Variants in PPP2R5A observed in about 807,000 individuals in gnomAD.
PPP2R5A encodes the protein serine/threonine-protein phosphatase 2A 56 kDa regulatory subunit alpha isoform.
Under a neutral mutation model 64.2 loss-of-function variants are expected in PPP2R5A, and 25 were observed. That is an observed-to-expected ratio of 0.39 (90% confidence interval 0.28 to 0.54). PPP2R5A has a LOEUF of 0.54. PPP2R5A is among the 20% of genes least tolerant of loss of function. The pLI is 0.67. For missense variants in PPP2R5A, 425 were observed against 576.3 expected, an observed-to-expected ratio of 0.74 and a Z score of 2.69; for synonymous variants, 198 against 201.2, an observed-to-expected ratio of 0.98 and a Z score of 0.13.
intron 1 of PPP2R5A, among the ~76,000 whole-genome samples, chr1:212,321,545 C>G (rs1659294006): frequency 6.7e-6 from 1 of 148,510 alleles, no homozygotes; most frequent in African/African-American, 2.6e-5. Context: ...CTCCTCACTT[C>G]TCAGACGGGG....
At chr1:212,303,281 C>T (rs1480648329) in intron 1 of PPP2R5A, among the ~76,000 whole-genome samples, 1 of 152,154 alleles carries the variant, frequency 6.6e-6, no homozygotes, top group African/African-American at 2.4e-5. Flanking sequence ...TTATAGCCAT[C>T]CTAATGGATG....
chr1:212,349,484 C>CGATG (rs1325623776), intron 8 of PPP2R5A, among the ~76,000 whole-genome samples: 1 of 152,014 alleles, frequency 6.6e-6, no homozygotes, highest in East Asian at 1.9e-4. Context: ...TTAAGATGTA[C>CGATG]GATGATAGGA....
chr1:212,352,831 A>G (rs1454279927), intron 8 of PPP2R5A: 2 of 519,150 alleles, frequency 3.9e-6, no homozygotes, highest in Non-Finnish European at 7.7e-6. Context: ...CCTTTATCAA[A>G]GCTGCAGCTG....
In PPP2R5A at chr1:212,361,088, T is replaced by TTGTG. The variant is rs1236514809; in HGVS notation, c.*320_*323dup. 5.6e-6 allele frequency: 1 copy of TTGTG among 179,852 alleles called. No individual in the cohort carries two copies. Among genetic ancestry groups the TTGTG allele is most frequent in the Admixed American group, 6.2e-5 (1 of 16,058 alleles). 11.1% of individuals were successfully genotyped at this position (179,852 alleles called of 1,614,324 possible). ...AATTATGACTTGAATTCTTCTTTGA[T>TTGTG]TGTGTTGCACATAGATATGGTAGTC... is the stretch of plus-strand genomic sequence containing the variant. On this transcript the variant is annotated 3_prime_UTR_variant, in exon 13 of 13. Coordinates refer to ENST00000261461, the MANE Select transcript of PPP2R5A (RefSeq NM_006243.4).
intron 1 of PPP2R5A, among the ~76,000 whole-genome samples, chr1:212,319,982 G>C (rs1474497001): frequency 6.9e-6 from 1 of 144,280 alleles, no homozygotes; most frequent in Admixed American, 6.9e-5. Flanking sequence ...GATCATTCTT[G>C]GGTGTTTCTC....
chr1:212,305,417 G>A (rs1036618079), intron 1 of PPP2R5A, among the ~76,000 whole-genome samples: 1 of 151,980 alleles, frequency 6.6e-6, no homozygotes, highest in Non-Finnish European at 1.5e-5. Context: ...AAATTTTTGA[G>A]GTTTGTTTTA....
At chr1:212,323,482 T>C (rs1030328849) in intron 1 of PPP2R5A, among the ~76,000 whole-genome samples, 5 of 152,208 alleles carry the variant, frequency 3.3e-5, no homozygotes, top group African/African-American at 1.2e-4. Context: ...TTCTATATCA[T>C]AATACCTAAA....
At chr1:212,352,525 C>A (rs1394468245) in intron 8 of PPP2R5A, among the ~76,000 whole-genome samples, 1 of 151,728 alleles carries the variant, frequency 6.6e-6, no homozygotes, top group Non-Finnish European at 1.5e-5. Flanking sequence ...TTGTGGCTGA[C>A]GGCAGCCCTG....
intron 1 of PPP2R5A, among the ~76,000 whole-genome samples, chr1:212,290,873 C>T (rs1162165635): frequency 6.6e-6 from 1 of 152,186 alleles, no homozygotes; most frequent in Non-Finnish European, 1.5e-5. Flanking sequence ...TTTTCACCTG[C>T]AAGAATAACA....
At chr1:212,315,583 C>T (rs539426597) in intron 1 of PPP2R5A, among the ~76,000 whole-genome samples, 6 of 152,306 alleles carry the variant, frequency 3.9e-5, no homozygotes, top group African/African-American at 1.2e-4. Flanking sequence ...GAAAAATTCT[C>T]ACAAAGTTTG....
In PPP2R5A at chr1:212,361,515, C is replaced by G. The variant is rs969538651; in HGVS notation, c.*745C>G. On this transcript the variant is annotated 3_prime_UTR_variant, in exon 13 of 13. Transcript: ENST00000261461. ...TCATTCCTCCTCTTCCTCTCAAAGGCTGAAGGCAGGGCCTTTCCAGTCCTC... is the reference window on the plus strand; with the variant it reads ...TCATTCCTCCTCTTCCTCTCAAAGGGTGAAGGCAGGGCCTTTCCAGTCCTC... The G allele has an allele frequency of 2.1e-4, 32 of 152,826 alleles. No homozygotes were observed. The highest frequency in any genetic ancestry group is 6.7e-4 in the African/African-American group (28 of 41,568). The allele number at this position is 152,826 out of a possible 1,614,324, so 9.5% of individuals were successfully genotyped here. A position where few individuals can be genotyped will look rare whatever the true frequency, so the allele number is the denominator to read the frequency against.
At chr1:212,301,970 T>G in intron 1 of PPP2R5A, 1 of 1,371,504 alleles carries the variant, frequency 7.3e-7, no homozygotes, top group Non-Finnish European at 9.5e-7. Context: ...TTCAAATTAT[T>G]TATCCTTAAA....
At chr1:212,360,236 T>C (rs1244369819) in intron 12 of PPP2R5A, among the ~76,000 whole-genome samples, 2 of 152,228 alleles carry the variant, frequency 1.3e-5, no homozygotes, top group African/African-American at 2.4e-5. Flanking sequence ...ATGTGGCTTC[T>C]GTCTGGTGTG....
chr1:212,332,569 A>G (rs2102434943), intron 2 of PPP2R5A, among the ~76,000 whole-genome samples: 1 of 152,358 alleles, frequency 6.6e-6, no homozygotes, highest in African/African-American at 2.4e-5. Context: ...CAGGGTGGTT[A>G]ATATGTTTTT....
intron 1 of PPP2R5A, among the ~76,000 whole-genome samples, chr1:212,293,206 A>G (rs1010811461): frequency 3.3e-5 from 5 of 152,250 alleles, no homozygotes; most frequent in Admixed American, 6.5e-5. Flanking sequence ...TATTTTGCCA[A>G]TGACCAGTAT....
intron 11 of PPP2R5A, chr1:212,358,202 T>C (rs1043931498): frequency 1.3e-5 from 2 of 152,424 alleles, no homozygotes; most frequent in African/African-American, 4.8e-5. Context: ...AACTACTCCG[T>C]TAATGCAGAG....
intron 1 of PPP2R5A, chr1:212,308,999 T>C: frequency 1.4e-6 from 1 of 691,490 alleles, no homozygotes; most frequent in Non-Finnish European, 2.6e-6. Context: ...CTTTCTTCTT[T>C]TTTTATGGTG....
intron 1 of PPP2R5A, among the ~76,000 whole-genome samples, chr1:212,322,271 AGAGGGAGAG>A (rs1368788614): frequency 0.019 from 2,809 of 144,422 alleles, 64 homozygotes; most frequent in Non-Finnish European, 0.021. Context: ...GAGAGGAGGG[AGAGGGAGAG>A]GAGGGAGAGG....
chr1:212,338,836 C>T (rs1469303698), intron 3 of PPP2R5A, among the ~76,000 whole-genome samples: 6 of 151,468 alleles, frequency 4.0e-5, no homozygotes, highest in Admixed American at 6.6e-5. Flanking sequence ...TCAGTCACTA[C>T]GTAGAAACAC....
Sources: allele counts gnomAD v4.1 joint callset (sites outside exome capture counted in the v4.1 genomes callset), GRCh38; gene constraint gnomAD v4.1.1; transcripts MANE v1.5; gene names NCBI Gene and HGNC (gene_info 2026-07-23, HGNC 2026-07-21).